Variants in SLC25A48 observed in about 807,000 individuals in gnomAD.
The protein encoded by SLC25A48 is CTC-321K16.1.
SLC25A48 carries 29 observed loss-of-function variants against 32.2 expected under a neutral mutation model. That is an observed-to-expected ratio of 0.90 (90% CI 0.67 to 1.23). The LOEUF (loss-of-function observed/expected upper bound fraction) is 1.23, where lower values mean the gene tolerates loss of function less well. Ranked by LOEUF, SLC25A48 falls within the 50% of genes most tolerant of loss-of-function variation. The pLI, the probability that SLC25A48 is intolerant of heterozygous loss-of-function variation, is 0.00. For missense variants in SLC25A48, 399 were observed against 422.7 expected (o/e 0.94, Z 0.49); for synonymous variants, 164 against 172.3 (o/e 0.95, Z 0.38).
At chr5:135,751,871 A>G (rs1448813452) in intron 3 of SLC25A48, among the ~76,000 whole-genome samples, 1 of 152,144 alleles carries the variant, frequency 6.6e-6, no homozygotes, top group Non-Finnish European at 1.5e-5. Flanking sequence ...GAGTCCAGAA[A>G]TTGTTCACTG....
intron 3 of SLC25A48, among the ~76,000 whole-genome samples, chr5:135,735,025 C>G (rs1003241007): frequency 2.6e-5 from 4 of 151,982 alleles, no homozygotes; most frequent in Non-Finnish European, 5.9e-5. Context: ...GGCTGCCAGG[C>G]GAGTTAGAAA....
chr5:135,879,694 A>AT (rs1425117899), intron 6 of SLC25A48, among the ~76,000 whole-genome samples: 1 of 151,988 alleles, frequency 6.6e-6, no homozygotes, highest in South Asian at 2.1e-4. Flanking sequence ...TTTAAAAAGC[A>AT]TATGTAGGTG....
chr5:135,745,264 G>A (rs959209893), intron 3 of SLC25A48, among the ~76,000 whole-genome samples: 2 of 152,214 alleles, frequency 1.3e-5, no homozygotes, highest in African/African-American at 2.4e-5. Context: ...GACAGGCTCT[G>A]GCTTGTTATC....
At position 135,650,315 on chromosome 5, in the gene SLC25A48, T is replaced by A. The variant is rs569487952; in HGVS notation, c.-521+15359T>A. The A allele has an allele frequency of 1.3e-4, 54 of 422,236 alleles. 1 individual carries two copies. In the East Asian group the frequency reaches 3.9e-3, roughly 30 times the overall value. The allele number at this position is 422,236 out of a possible 1,614,324, so 26.2% of individuals were successfully genotyped here. A position where few individuals can be genotyped will look rare whatever the true frequency, so the allele number is the denominator to read the frequency against. ...TCCTTTCTCCTCCCTTTTCCTTGACTGGTACACTCCAAGCTCACTTAGTCA... is the reference window on the plus strand; with the variant it reads ...TCCTTTCTCCTCCCTTTTCCTTGACAGGTACACTCCAAGCTCACTTAGTCA... On this transcript the variant is annotated intron_variant, in intron 3 of 10. Transcript: ENST00000646290.
intron 3 of SLC25A48, among the ~76,000 whole-genome samples, chr5:135,692,134 G>A (rs1561792686): frequency 6.6e-6 from 1 of 152,086 alleles, no homozygotes; most frequent in East Asian, 1.9e-4. Context: ...TGGCTAACAC[G>A]GTGAAACCCC....
intron 4 of SLC25A48, chr5:135,813,026 C>T (rs1757625510): frequency 6.6e-6 from 1 of 152,400 alleles, no homozygotes. Flanking sequence ...CTCAAGCCTG[C>T]CTTTAATTAT....
chr5:135,777,782 TC>T (rs1296137013), intron 3 of SLC25A48, among the ~76,000 whole-genome samples: 13 of 53,578 alleles, frequency 2.4e-4, no homozygotes, highest in African/African-American at 5.1e-4. Context: ...ATTCCTAATA[TC>T]CGGGGGGGGG....
intron 3 of SLC25A48, among the ~76,000 whole-genome samples, chr5:135,785,611 C>G (rs1318215026): frequency 1.3e-5 from 2 of 150,222 alleles, no homozygotes; most frequent in Non-Finnish European, 3.0e-5. Context: ...ACCCGCCTTG[C>G]CCCATGGATT....
At chr5:135,771,995 G>T (rs1756425615) in intron 3 of SLC25A48, among the ~76,000 whole-genome samples, 1 of 151,214 alleles carries the variant, frequency 6.6e-6, no homozygotes, top group African/African-American at 2.4e-5. Flanking sequence ...AATATCATGG[G>T]GGCTGTACAC....
intron 3 of SLC25A48, among the ~76,000 whole-genome samples, chr5:135,771,101 T>A (rs1189118028): frequency 1.3e-5 from 2 of 148,446 alleles, no homozygotes; most frequent in Non-Finnish European, 3.0e-5. Flanking sequence ...ATCGTGGGGG[T>A]GTACACCCCC....
intron 6 of SLC25A48, chr5:135,874,881 G>A (rs555228155): frequency 2.0e-6 from 1 of 488,482 alleles, no homozygotes; most frequent in Admixed American, 4.1e-5. Flanking sequence ...TGCTTTCTTG[G>A]TGTGGCTCTT....
chr5:135,843,781 T>G (rs1334675540), intron 2 of SLC25A48, among the ~76,000 whole-genome samples: 1 of 152,156 alleles, frequency 6.6e-6, no homozygotes, highest in African/African-American at 2.4e-5. Context: ...AGAAGGCCAG[T>G]GTGTGTGTGG....
intron 3 of SLC25A48, among the ~76,000 whole-genome samples, chr5:135,693,371 G>T (rs1279651884): frequency 6.6e-6 from 1 of 152,058 alleles, no homozygotes; most frequent in Non-Finnish European, 1.5e-5. Context: ...CCTTGGTAGG[G>T]GCTGCCCTGT....
intron 6 of SLC25A48, 34 bp downstream of exon 6, chr5:135,874,188 A>T: frequency 3.5e-6 from 5 of 1,410,228 alleles, no homozygotes; most frequent in Non-Finnish European, 4.6e-6. Context: ...GGTCAGTGTC[A>T]GTCCCTGGAA....
intron 3 of SLC25A48, among the ~76,000 whole-genome samples, chr5:135,740,041 C>G (rs1580829851): frequency 1.3e-5 from 2 of 152,244 alleles, no homozygotes; most frequent in South Asian, 2.1e-4. Context: ...AAAGATTATT[C>G]TAAACTATAT....
chr5:135,778,140 T>G (rs571563578), intron 3 of SLC25A48, among the ~76,000 whole-genome samples: 11 of 151,386 alleles, frequency 7.3e-5, no homozygotes, highest in Non-Finnish European at 1.2e-4. Flanking sequence ...GGGGTGTACA[T>G]GCGCCCCGTG....
chr5:135,774,736 G>A (rs780332910), intron 3 of SLC25A48, among the ~76,000 whole-genome samples: 9 of 137,704 alleles, frequency 6.5e-5, no homozygotes, highest in African/African-American at 2.5e-4. Flanking sequence ...CAATACCACA[G>A]GGAGTGTACA....
intron 3 of SLC25A48, among the ~76,000 whole-genome samples, chr5:135,654,096 G>C (rs1357471668): frequency 6.6e-6 from 1 of 152,202 alleles, no homozygotes; most frequent in Non-Finnish European, 1.5e-5. Context: ...TTCAGCAGGA[G>C]AGACAAAAAT....
intron 3 of SLC25A48, among the ~76,000 whole-genome samples, chr5:135,721,773 G>C (rs1425593169): frequency 6.6e-6 from 1 of 152,236 alleles, no homozygotes; most frequent in Non-Finnish European, 1.5e-5. Flanking sequence ...AGAACTGTGT[G>C]TCCACAGCAG....
Sources: gnomAD v4.1 joint callset for allele counts (sites outside exome capture counted in the v4.1 genomes callset) on GRCh38, gnomAD v4.1.1 for gene constraint, MANE v1.5 for transcripts, NCBI Gene and HGNC (gene_info 2026-07-23, HGNC 2026-07-21) for gene names.